The following FRMPD4 variants were observed in gnomAD, a reference collection of about 807,000 sequenced individuals.
FRMPD4 encodes FERM and PDZ domain-containing protein 4.
Under a neutral mutation model 94.1 loss-of-function variants are expected in FRMPD4, and 22 were observed. That is an observed-to-expected ratio of 0.23 (90% CI 0.17 to 0.33). The LOEUF (loss-of-function observed/expected upper bound fraction) is 0.33. Ranked by LOEUF, FRMPD4 falls within the 10% of genes least tolerant of loss-of-function variation. FRMPD4 has a pLI of 1.00. For missense variants in FRMPD4, 1,111 were observed against 1,339.9 expected (o/e 0.83, Z 2.67); for synonymous variants, 631 against 548.6 (o/e 1.15, Z -2.10).
chrX:12,388,818 GATATATATATATATAT>G (rs3068660), intron 1 of FRMPD4, among the ~76,000 whole-genome samples: 8 of 60,729 alleles, frequency 1.3e-4, no homozygotes, highest in African/African-American at 3.3e-4. Flanking sequence ...AAGAAAATGT[GATATATATATATATAT>G]ATATATATAT....
chrX:12,080,294 A>C (rs756362332), intron 3 of FRMPD4, among the ~76,000 whole-genome samples: 6 of 112,579 alleles, frequency 5.3e-5, no homozygotes, highest in Non-Finnish European at 9.4e-5. Flanking sequence ...CATTATTTTC[A>C]AAATCTTCAT....
At chrX:12,392,810 T>C (rs767788105) in intron 1 of FRMPD4, among the ~76,000 whole-genome samples, 52 of 111,833 alleles carry the variant, frequency 4.6e-4, no homozygotes, top group Non-Finnish European at 7.1e-4. Context: ...GACCATCCTA[T>C]TTAATCTAAA....
intron 3 of FRMPD4, among the ~76,000 whole-genome samples, chrX:12,029,876 TA>T (rs1037483068): frequency 9.0e-6 from 1 of 111,398 alleles, no homozygotes; most frequent in African/African-American, 3.3e-5. Flanking sequence ...TGTTTACACT[TA>T]AGGGAGGGGA....
intron 13 of FRMPD4, among the ~76,000 whole-genome samples, chrX:12,707,861 C>A (rs73632695): frequency 3.6e-5 from 4 of 111,970 alleles, no homozygotes; most frequent in Admixed American, 1.9e-4. Context: ...TAATTCTCTG[C>A]GCTCAATTTT....
intron 3 of FRMPD4, among the ~76,000 whole-genome samples, chrX:12,114,929 C>G (rs779053440): frequency 1.1e-4 from 12 of 112,213 alleles, no homozygotes; most frequent in Non-Finnish European, 2.3e-4. Flanking sequence ...TACATGTAAC[C>G]TATCCTAGCT....
At chrX:12,203,823 A>T (rs1278115503) in intron 1 of FRMPD4, among the ~76,000 whole-genome samples, 2 of 112,124 alleles carry the variant, frequency 1.8e-5, no homozygotes, top group Non-Finnish European at 3.8e-5. Context: ...ATTTGATTTA[A>T]AGAAGCGAAT....
At chrX:12,262,171 T>C (rs1379925470) in intron 1 of FRMPD4, among the ~76,000 whole-genome samples, 1 of 112,342 alleles carries the variant, frequency 8.9e-6, no homozygotes, top group Non-Finnish European at 1.9e-5. Flanking sequence ...ATTTGTATAA[T>C]GTCTGTGGCT....
At chrX:12,073,949 C>T (rs1201400915) in intron 3 of FRMPD4, among the ~76,000 whole-genome samples, 1 of 111,648 alleles carries the variant, frequency 9.0e-6, no homozygotes, top group Admixed American at 9.5e-5. Flanking sequence ...GGAGAATATT[C>T]CATATGTTCA....
intron 2 of FRMPD4, among the ~76,000 whole-genome samples, chrX:12,533,805 C>T (rs2058310559): frequency 8.9e-6 from 1 of 112,176 alleles, no homozygotes; most frequent in South Asian, 3.7e-4. Context: ...TAAAGGCATT[C>T]AGTTTTATAA....
chrX:11,883,611 A>G (rs1433413259), intron 3 of FRMPD4, among the ~76,000 whole-genome samples: 3 of 112,022 alleles, frequency 2.7e-5, no homozygotes, highest in South Asian at 7.4e-4. Flanking sequence ...TAAATGGTCC[A>G]TGGTGCTTGA....
intron 1 of FRMPD4, among the ~76,000 whole-genome samples, chrX:12,328,976 A>G (rs2055330104): frequency 2.7e-5 from 3 of 112,503 alleles, no homozygotes; most frequent in Non-Finnish European, 5.6e-5. Flanking sequence ...TAATTGGAGA[A>G]AAGGCATACT....
chrX:12,373,156 G>A (rs1470330157), intron 1 of FRMPD4: 1 of 112,262 alleles, frequency 8.9e-6, no homozygotes, highest in East Asian at 2.8e-4. Context: ...ATCACAATAT[G>A]CACAACCTAA....
At chrX:12,562,459 A>T (rs1173031962) in intron 2 of FRMPD4, among the ~76,000 whole-genome samples, 1 of 112,588 alleles carries the variant, frequency 8.9e-6, no homozygotes, top group Non-Finnish European at 1.9e-5. Flanking sequence ...AAATATTGGC[A>T]GTCTACCTAC....
At chrX:12,610,713 A>G (rs1490759749) in intron 3 of FRMPD4, among the ~76,000 whole-genome samples, 2 of 103,795 alleles carry the variant, frequency 1.9e-5, no homozygotes, top group Non-Finnish European at 3.9e-5. Context: ...GTGCTACTGC[A>G]CTCCAGCCTG....
intron 2 of FRMPD4, among the ~76,000 whole-genome samples, chrX:12,549,986 C>G (rs1290789235): frequency 8.9e-6 from 1 of 111,775 alleles, no homozygotes; most frequent in Non-Finnish European, 1.9e-5. Flanking sequence ...AGTCAATTGT[C>G]AGAATGTCAT....
intron 3 of FRMPD4, among the ~76,000 whole-genome samples, chrX:12,025,710 A>G (rs1470045485): frequency 8.9e-6 from 1 of 112,195 alleles, no homozygotes; most frequent in African/African-American, 3.2e-5. Flanking sequence ...AGAGAACCAC[A>G]TATCAAGGAA....
chrX:12,090,248 T>A (rs1401642920), intron 3 of FRMPD4, among the ~76,000 whole-genome samples: 1 of 109,652 alleles, frequency 9.1e-6, no homozygotes, highest in Non-Finnish European at 1.9e-5. Context: ...ACTCAGTTCT[T>A]ATGATATCTG....
chrX:12,557,446 C>G (rs2058607519), intron 2 of FRMPD4, among the ~76,000 whole-genome samples: 1 of 112,241 alleles, frequency 8.9e-6, no homozygotes, highest in African/African-American at 3.2e-5. Flanking sequence ...TCTACAGATG[C>G]AAATCTCCCC....
At chrX:11,862,967 T>G (rs1482733880) in intron 1 of FRMPD4, among the ~76,000 whole-genome samples, 1 of 92,379 alleles carries the variant, frequency 1.1e-5, no homozygotes. Flanking sequence ...TTGGTTTTTT[T>G]TTTTTTTTTT....
Sources: allele counts gnomAD v4.1 joint callset (sites outside exome capture counted in the v4.1 genomes callset), GRCh38; gene constraint gnomAD v4.1.1; transcripts MANE v1.5; gene names NCBI Gene and HGNC (gene_info 2026-07-23, HGNC 2026-07-21).